Variants in TRPS1 observed in about 807,000 individuals in gnomAD.
The protein encoded by TRPS1 is transcriptional repressor GATA binding 1, also known as zinc finger transcription factor Trps1.
Under a neutral mutation model 101.2 loss-of-function variants are expected in TRPS1, and 6 were observed. That is an observed-to-expected ratio of 0.06 (90% CI 0.03 to 0.12). TRPS1 has a LOEUF of 0.12. TRPS1 is among the 10% of genes least tolerant of loss of function. The pLI is 1.00. For synonymous variants in TRPS1, 578 were observed against 589.8 expected, an observed-to-expected ratio of 0.98 and a Z score of 0.29; for missense variants, 1,363 against 1,567.0, an observed-to-expected ratio of 0.87 and a Z score of 2.20.
chr8:115,631,640 T>G (rs1431429247), intron 1 of TRPS1, among the ~76,000 whole-genome samples: 1 of 42,826 alleles, frequency 2.3e-5, no homozygotes, highest in Non-Finnish European at 7.6e-5. Context: ...GATGCATGGA[T>G]GGATGGATGG....
intron 5 of TRPS1, among the ~76,000 whole-genome samples, chr8:115,543,487 T>C (rs1816500631): frequency 6.6e-6 from 1 of 152,200 alleles, no homozygotes; most frequent in Non-Finnish European, 1.5e-5. Flanking sequence ...AAGTGTTTAT[T>C]TTTTGTTATT....
At chr8:115,442,752 A>C (rs1454304671) in intron 5 of TRPS1, among the ~76,000 whole-genome samples, 2 of 151,674 alleles carry the variant, frequency 1.3e-5, no homozygotes, top group Admixed American at 1.3e-4. Flanking sequence ...ATTTGAAGTC[A>C]GGAGTTTGAG....
At chr8:115,647,211 T>C (rs1304920202) in intron 1 of TRPS1, among the ~76,000 whole-genome samples, 5 of 152,140 alleles carry the variant, frequency 3.3e-5, no homozygotes, top group Admixed American at 6.5e-5. Context: ...ATATCTCTTG[T>C]GGAAAAATTT....
intron 3 of TRPS1, among the ~76,000 whole-genome samples, chr8:115,612,488 T>C (rs955115948): frequency 1.3e-5 from 2 of 152,134 alleles, no homozygotes; most frequent in African/African-American, 4.8e-5. Context: ...CTGACTTAGC[T>C]GAAAACAGGA....
chr8:115,499,164 G>A (rs1815240280), intron 5 of TRPS1, among the ~76,000 whole-genome samples: 1 of 152,182 alleles, frequency 6.6e-6, no homozygotes. Flanking sequence ...TGATTATGTA[G>A]GTTCAGAGGG....
chr8:115,663,520 T>A (rs1452229134), intron 1 of TRPS1, among the ~76,000 whole-genome samples: 4 of 151,922 alleles, frequency 2.6e-5, no homozygotes, highest in East Asian at 1.9e-4. Context: ...AAATTAAAAG[T>A]TTTTTGTTAT....
intron 5 of TRPS1, chr8:115,515,414 ATC>A: frequency 1.7e-6 from 1 of 576,010 alleles, no homozygotes; most frequent in Non-Finnish European, 3.1e-6. Context: ...CAAATGCCAA[ATC>A]TCTTTTTCCT....
At chr8:115,648,240 G>A (rs1413741828) in intron 1 of TRPS1, among the ~76,000 whole-genome samples, 2 of 150,634 alleles carry the variant, frequency 1.3e-5, no homozygotes, top group African/African-American at 4.9e-5. Context: ...GGAAGAAGCG[G>A]GCAGGAGGCG....
intron 5 of TRPS1, among the ~76,000 whole-genome samples, chr8:115,474,541 G>C (rs909328981): frequency 6.6e-6 from 1 of 151,988 alleles, no homozygotes; most frequent in African/African-American, 2.4e-5. Flanking sequence ...TTTTTTTCTT[G>C]TTCCACTGTC....
At chr8:115,479,713 T>A (rs1355184506) in intron 5 of TRPS1, among the ~76,000 whole-genome samples, 1 of 152,118 alleles carries the variant, frequency 6.6e-6, no homozygotes, top group Admixed American at 6.5e-5. Context: ...TAATAATACA[T>A]CAACAGAATA....
At position 115,418,013 on chromosome 8, in the gene TRPS1, TCTC is replaced by T. The variant is rs1362309218; in HGVS notation, c.2823+314_2823+316del. The stretch of plus-strand genomic sequence containing the variant: ...ATATTTCTGAAACTTCTAAAAATTT[TCTC>T]CTTTTTACCTAAAATAATTTCATTG... On this transcript the variant is annotated intron_variant, in intron 6 of 6. Coordinates refer to ENST00000395715, the MANE Select transcript of TRPS1 (RefSeq NM_014112.5). The surrounding 1 kb of genome is among the most constrained non-coding windows in gnomAD (Gnocchi z 4.3). Among the ~76,000 whole-genome samples, 9 of 152,348 alleles carry T rather than the reference TCTC, an allele frequency of 5.9e-5. No homozygotes were observed. The highest frequency in any genetic ancestry group is 1.2e-4 in the African/African-American group (5 of 41,582).
At chr8:115,519,164 G>A (rs888019483) in intron 5 of TRPS1, among the ~76,000 whole-genome samples, 2 of 151,410 alleles carry the variant, frequency 1.3e-5, no homozygotes, top group African/African-American at 2.4e-5. Context: ...TTCGTGGACA[G>A]TAAATTGGAC....
chr8:115,553,746 CTCT>C (rs921841080), intron 5 of TRPS1, among the ~76,000 whole-genome samples: 9 of 152,186 alleles, frequency 5.9e-5, no homozygotes, highest in South Asian at 4.1e-4. Context: ...ACTTTCATTG[CTCT>C]TCTTCTTTTT....
At position 115,537,170 on chromosome 8, in the gene TRPS1, A is replaced by G. The variant is rs140737700; in HGVS notation, c.2700+49831T>C. 7.5e-3 allele frequency among the ~76,000 whole-genome samples: 1,142 copies of G among 152,312 alleles called. 15 individuals carry two copies. The highest frequency in any genetic ancestry group is 0.026 in the African/African-American group (1,074 of 41,574). ...ATCCAAATATATTTTTTAAATCAACAAGGAAGTTAACTACAAGTATATTCT... is the reference window on the plus strand; with the variant it reads ...ATCCAAATATATTTTTTAAATCAACGAGGAAGTTAACTACAAGTATATTCT... On this transcript the variant is annotated intron_variant, in intron 5 of 6. Coordinates refer to ENST00000395715, the MANE Select transcript of TRPS1 (RefSeq NM_014112.5).
At chr8:115,444,956 A>AG (rs1259181561) in intron 5 of TRPS1, among the ~76,000 whole-genome samples, 11 of 172 alleles carry the variant, frequency 0.064, no homozygotes, top group South Asian at 0.42. Flanking sequence ...TTCTGAAGAC[A>AG]ACCTAATTAT....
intron 5 of TRPS1, among the ~76,000 whole-genome samples, chr8:115,531,131 AGGTC>A (rs1274175871): frequency 1.3e-5 from 2 of 152,160 alleles, no homozygotes; most frequent in Non-Finnish European, 2.9e-5. Context: ...CAGAACAAAG[AGGTC>A]TCTAAAGAAC....
intron 5 of TRPS1, among the ~76,000 whole-genome samples, chr8:115,508,595 T>C (rs187684033): frequency 6.6e-6 from 1 of 152,162 alleles, no homozygotes; most frequent in African/African-American, 2.4e-5. Flanking sequence ...TGGAGTCTTC[T>C]AATTGCATTT....
At chr8:115,494,624 A>G (rs1815105358) in intron 5 of TRPS1, among the ~76,000 whole-genome samples, 1 of 152,208 alleles carries the variant, frequency 6.6e-6, no homozygotes, top group Admixed American at 6.5e-5. Context: ...GAAAGTCTCA[A>G]CTTACTTGTA....
intron 5 of TRPS1, among the ~76,000 whole-genome samples, chr8:115,438,095 A>G (rs1813501413): frequency 6.6e-6 from 1 of 152,194 alleles, no homozygotes; most frequent in Non-Finnish European, 1.5e-5. Flanking sequence ...AAAAATAGGA[A>G]ACTGCAAGGT....
Sources: gnomAD v4.1 joint callset for allele counts (sites outside exome capture counted in the v4.1 genomes callset) on GRCh38, gnomAD v4.1.1 for gene constraint, Gnocchi (gnomAD v3.1) non-coding constraint, MANE v1.5 for transcripts, NCBI Gene and HGNC (gene_info 2026-07-23, HGNC 2026-07-21) for gene names.